The following DCUN1D5 variants were observed in gnomAD, a reference collection of about 807,000 sequenced individuals.
DCUN1D5 encodes defective in cullin neddylation 1 domain containing 5.
DCUN1D5 carries 10 observed loss-of-function variants against 38.3 expected under a neutral mutation model. The ratio of observed to expected loss-of-function variants is 0.26; its 90% CI spans 0.16 to 0.44. The LOEUF (loss-of-function observed/expected upper bound fraction) is 0.44, where lower values mean the gene tolerates loss of function less well. DCUN1D5 is among the 20% of genes least tolerant of loss of function. The probability of loss-of-function intolerance (pLI) is 1.00; values close to 1 mark genes in which losing one functional copy is unlikely to be tolerated. For synonymous variants in DCUN1D5, 93 were observed against 90.9 expected, an observed-to-expected ratio of 1.02 and a Z score of -0.13; for missense variants, 148 against 275.3, an observed-to-expected ratio of 0.54 and a Z score of 3.27.
rs755432475 is a variant in DCUN1D5, at chr11:103,062,276, C to T, written c.*83G>A. 13 of 1,316,828 alleles carry T rather than the reference C, an allele frequency of 9.9e-6. No homozygotes were observed. Among genetic ancestry groups the T allele is most frequent in the African/African-American group, 1.5e-5 (1 of 67,616 alleles). 81.6% of individuals were successfully genotyped at this position (1,316,828 alleles called of 1,614,324 possible). The stretch of plus-strand genomic sequence containing the variant: ...TCTTTCATATGAATGAAAATGCACC[C>T]GTTGGATTTTTTTCCCCCTCATCAC... On this transcript the variant is annotated 3_prime_UTR_variant, in exon 8 of 8. Transcript: ENST00000260247. This position sits in a 1 kb window ranked among gnomAD's most constrained non-coding sequence, Gnocchi z 4.6.
intron 4 of DCUN1D5, among the ~76,000 whole-genome samples, chr11:103,070,141 AAATAT>A (rs1862235753): frequency 2.6e-5 from 4 of 152,138 alleles, no homozygotes; most frequent in Non-Finnish European, 4.4e-5. Context: ...AAGGACAAAG[AAATAT>A]AAGATACAAA....
At chr11:103,084,662 A>G (rs1005383434) in intron 2 of DCUN1D5, among the ~76,000 whole-genome samples, 5 of 152,222 alleles carry the variant, frequency 3.3e-5, no homozygotes, top group African/African-American at 1.2e-4. Context: ...ATGTATTCTT[A>G]TATATGATTG....
rs758333816 is a variant in DCUN1D5, at chr11:103,092,004, C to G, written c.-132G>C. On this transcript the variant is annotated 5_prime_UTR_variant, in exon 1 of 8. Coordinates refer to ENST00000260247, the MANE Select transcript of DCUN1D5 (RefSeq NM_032299.4). ...GAGGAGCAGAGTCGCCAGCCCGCAC[C>G]GGCGCGGCCCAGCCCGGCCGCCGCC... 18 of 809,142 alleles carry G rather than the reference C, an allele frequency of 2.2e-5. No individual in the cohort carries two copies. In the East Asian group the frequency reaches 4.7e-4, roughly 21 times the overall value. The allele number at this position is 809,142 out of a possible 1,614,324, so 50.1% of individuals were successfully genotyped here.
rs570243263 is a variant in DCUN1D5 at position 103,056,562 on chromosome 11, C to A, written c.*5797G>T. Among the ~76,000 whole-genome samples the A allele has an allele frequency of 1.3e-5, 2 of 152,250 alleles. No homozygotes were observed. The highest frequency in any genetic ancestry group is 4.8e-5 in the African/African-American group (2 of 41,554). On this transcript the variant is annotated 3_prime_UTR_variant, in exon 8 of 8. Transcript: ENST00000260247. The surrounding 1 kb of genome is among the most constrained non-coding windows in gnomAD (Gnocchi z 4.9). ...TCCTCAACTTACTTTCCCCATATAA[C>A]CTTGTCACCAAATGATAAACTATTT...
intron 2 of DCUN1D5, 140 bp downstream of exon 2, chr11:103,089,087 C>T: frequency 3.0e-6 from 2 of 661,714 alleles, no homozygotes; most frequent in Non-Finnish European, 4.4e-6. Context: ...TTAGTCTACC[C>T]ACAATCTTCA....
rs1861722572 is a variant in DCUN1D5, at chr11:103,051,265, A to G, written c.*11094T>C. 6.6e-6 allele frequency: 1 copy of G among 152,212 alleles called. No homozygotes were observed. The allele number at this position is 152,212 out of a possible 1,614,324, so 9.4% of individuals were successfully genotyped here. ...TTAAGGAAAAAAATGACTCATTAGT[A>G]AGTAAAGTGACAAGCAGAACAAATG... On this transcript the variant is annotated 3_prime_UTR_variant, in exon 8 of 8. Coordinates refer to ENST00000260247, the MANE Select transcript of DCUN1D5 (RefSeq NM_032299.4).
Position 103,091,749 on chromosome 11 carries a change from G to T in DCUN1D5, c.86+38C>A. ...TTTCCTCCAGTTGTCCAGCAAAGGA[G>T]GGAGGAGGGAAGCTTGAAGGGTGGG... On this transcript the variant is annotated intron_variant, in intron 1 of 7. Transcript: ENST00000260247. This position sits in a 1 kb window ranked among gnomAD's most constrained non-coding sequence, Gnocchi z 4.3. The T allele has an allele frequency of 6.2e-7, 1 of 1,613,974 alleles. No homozygotes were observed. Among genetic ancestry groups the T allele is most frequent in the Non-Finnish European group, 8.5e-7 (1 of 1,179,882 alleles).
At position 103,061,913 on chromosome 11, in the gene DCUN1D5, A is replaced by AGAT. The variant is rs1313656001; in HGVS notation, c.*443_*445dup. 6.6e-6 allele frequency among the ~76,000 whole-genome samples: 1 copy of AGAT among 152,140 alleles called. No individual in the cohort carries two copies. Among genetic ancestry groups the AGAT allele is most frequent in the Non-Finnish European group, 1.5e-5 (1 of 67,984 alleles). On this transcript the variant is annotated 3_prime_UTR_variant, in exon 8 of 8. Transcript: ENST00000260247. ...GCCAACAGTCTTCCAAATTGTGCAG[A>AGAT]GATGACTATAATGAGCCATACCATC...
At position 103,086,830 on chromosome 11, in the gene DCUN1D5, T is replaced by A. The variant is rs1393376288; in HGVS notation, c.178+2397A>T. ...AGTGAAAATTAGCTTAAATAAAAAA[T>A]AAACATAAAATAATATCTATTATAA... On this transcript the variant is annotated intron_variant, in intron 2 of 7. Transcript: ENST00000260247. The surrounding 1 kb of genome is among the most constrained non-coding windows in gnomAD (Gnocchi z 4.1). Among the ~76,000 whole-genome samples, 6 of 151,732 alleles carry A rather than the reference T, an allele frequency of 4.0e-5. No individual in the cohort carries two copies. Among genetic ancestry groups the A allele is most frequent in the Non-Finnish European group, 7.4e-5 (5 of 67,908 alleles).
chr11:103,067,929 A>G (rs941672292), intron 4 of DCUN1D5, among the ~76,000 whole-genome samples: 4 of 152,082 alleles, frequency 2.6e-5, no homozygotes, highest in African/African-American at 9.7e-5. Flanking sequence ...TTTTTGAAAA[A>G]GCTTATGTAA....
rs569723035 is a variant in DCUN1D5 at position 103,064,001 on chromosome 11, T to A, written c.658+274A>T. Among the ~76,000 whole-genome samples, 71 of 152,278 alleles carry A rather than the reference T, an allele frequency of 4.7e-4. No individual in the cohort carries two copies. Among genetic ancestry groups the A allele is most frequent in the African/African-American group, 1.4e-3 (57 of 41,584 alleles). On this transcript the variant is annotated intron_variant, in intron 7 of 7. Coordinates refer to ENST00000260247, the MANE Select transcript of DCUN1D5 (RefSeq NM_032299.4). The surrounding 1 kb of genome is among the most constrained non-coding windows in gnomAD (Gnocchi z 4.5). ...ATGCCAGGAAAGACAGAAACAAAGC[T>A]GAATTTTAGCTTCTGGATGCAAAAA...
At position 103,077,383 on chromosome 11, in the gene DCUN1D5, G is replaced by A. The variant is rs1862436300; in HGVS notation, c.341+5365C>T. ...CAGAAATTGGGAAGTTTAGAAAAAAGAATATTTCCTCCGAAATAAAAAGAA... is the reference window on the plus strand; with the variant it reads ...CAGAAATTGGGAAGTTTAGAAAAAAAAATATTTCCTCCGAAATAAAAAGAA... On this transcript the variant is annotated intron_variant, in intron 4 of 7. Coordinates refer to ENST00000260247, the MANE Select transcript of DCUN1D5 (RefSeq NM_032299.4). The surrounding 1 kb of genome is among the most constrained non-coding windows in gnomAD (Gnocchi z 4.3). Among the ~76,000 whole-genome samples, 1 of 152,050 alleles carries A rather than the reference G, an allele frequency of 6.6e-6. No homozygotes were observed. Among genetic ancestry groups the A allele is most frequent in the South Asian group, 2.1e-4 (1 of 4,818 alleles).
At position 103,063,061 on chromosome 11, in the gene DCUN1D5, C is replaced by A. The variant is rs976923296; in HGVS notation, c.659-647G>T. On this transcript the variant is annotated intron_variant, in intron 7 of 7. Coordinates refer to ENST00000260247, the MANE Select transcript of DCUN1D5 (RefSeq NM_032299.4). This position sits in a 1 kb window ranked among gnomAD's most constrained non-coding sequence, Gnocchi z 4.6. ...TATGCTTGCTTTATTCTTCTTAAAA[C>A]ACATAATCCTCTGGTGGTCTTTTTC... Among the ~76,000 whole-genome samples the A allele has an allele frequency of 9.9e-5, 15 of 152,096 alleles. No homozygotes were observed. Among genetic ancestry groups the A allele is most frequent in the African/African-American group, 3.4e-4 (14 of 41,440 alleles).
intron 1 of DCUN1D5, among the ~76,000 whole-genome samples, chr11:103,090,963 T>C (rs1048274592): frequency 2.0e-5 from 3 of 152,164 alleles, no homozygotes; most frequent in African/African-American, 7.2e-5. Flanking sequence ...CAAACCAAAA[T>C]TGCAGTTTTT....
chr11:103,091,722 C>T lies in DCUN1D5; in HGVS notation c.86+65G>A. The T allele has an allele frequency of 1.2e-6, 2 of 1,612,952 alleles. No homozygotes were observed. The highest frequency in any genetic ancestry group is 1.7e-6 in the Non-Finnish European group (2 of 1,179,354). ...CAGCCCGGCAGGCCGGGCCCGACTC[C>T]TTTTCCTCCAGTTGTCCAGCAAAGG... On this transcript the variant is annotated intron_variant, in intron 1 of 7. Coordinates refer to ENST00000260247, the MANE Select transcript of DCUN1D5 (RefSeq NM_032299.4). The surrounding 1 kb of genome is among the most constrained non-coding windows in gnomAD (Gnocchi z 4.3).
rs1310072129 is a variant in DCUN1D5, at chr11:103,064,493, A to G, written c.556-116T>C. The G allele has an allele frequency of 4.3e-6, 3 of 695,052 alleles. No homozygotes were observed. The highest frequency in any genetic ancestry group is 6.7e-6 in the Non-Finnish European group (3 of 447,692). The allele number at this position is 695,052 out of a possible 1,614,324, so 43.1% of individuals were successfully genotyped here. ...TTTGGTTTTTTCTAAAACATTTACTATTTTTTTAATTATTTGTGTTTCTAA... is the reference window on the plus strand; with the variant it reads ...TTTGGTTTTTTCTAAAACATTTACTGTTTTTTTAATTATTTGTGTTTCTAA... On this transcript the variant is annotated intron_variant, in intron 6 of 7. Coordinates refer to ENST00000260247, the MANE Select transcript of DCUN1D5 (RefSeq NM_032299.4). The surrounding 1 kb of genome is among the most constrained non-coding windows in gnomAD (Gnocchi z 4.5).
chr11:103,080,450 A>G (rs1234915039), intron 4 of DCUN1D5, among the ~76,000 whole-genome samples: 4 of 152,202 alleles, frequency 2.6e-5, no homozygotes, highest in Non-Finnish European at 2.9e-5. Flanking sequence ...AGGAGTAATA[A>G]GACTTGGCCA....
At chr11:103,084,121 T>C (rs1300479698) in intron 2 of DCUN1D5, among the ~76,000 whole-genome samples, 2 of 152,204 alleles carry the variant, frequency 1.3e-5, no homozygotes, top group African/African-American at 4.8e-5. Flanking sequence ...AATATAGTAA[T>C]TACATCATCA....
At position 103,065,432 on chromosome 11, in the gene DCUN1D5, CAG is replaced by C. The variant is rs1862111626; in HGVS notation, c.555+835_555+836del. ...TTGGCCTCCCAACGTGCTGGGATTA[CAG>C]GCGTGTGCCACCACGCCCAGCTGAT... On this transcript the variant is annotated intron_variant, in intron 6 of 7. Coordinates refer to ENST00000260247, the MANE Select transcript of DCUN1D5 (RefSeq NM_032299.4). The surrounding 1 kb of genome is among the most constrained non-coding windows in gnomAD (Gnocchi z 4.6). Among the ~76,000 whole-genome samples the C allele has an allele frequency of 6.6e-6, 1 of 152,230 alleles. No homozygotes were observed. Among genetic ancestry groups the C allele is most frequent in the Non-Finnish European group, 1.5e-5 (1 of 68,036 alleles).
Sources: allele counts gnomAD v4.1 joint callset (sites outside exome capture counted in the v4.1 genomes callset), GRCh38; gene constraint gnomAD v4.1.1; non-coding constraint Gnocchi (gnomAD v3.1); transcripts MANE v1.5; gene names NCBI Gene and HGNC (gene_info 2026-07-23, HGNC 2026-07-21).